TCF4: variants seen among roughly 807,000 people sequenced by gnomAD.
TCF4 encodes SL3-3 enhancer factor 2.
TCF4 carries 3 observed loss-of-function variants against 82.1 expected under a neutral mutation model. That is an observed-to-expected ratio of 0.04 (90% confidence interval 0.02 to 0.09). TCF4 has a LOEUF of 0.09. Among genes scored for constraint, TCF4 ranks in the 10% least tolerant of loss-of-function variants. The probability of loss-of-function intolerance (pLI) is 1.00; values close to 1 mark genes in which losing one functional copy is unlikely to be tolerated. For synonymous variants in TCF4, 276 were observed against 309.6 expected, an observed-to-expected ratio of 0.89 and a Z score of 1.14; for missense variants, 518 against 852.7, an observed-to-expected ratio of 0.61 and a Z score of 4.89.
chr18:55,565,260 T>TC (rs1334548031), intron 3 of TCF4, among the ~76,000 whole-genome samples: 1 of 149,008 alleles, frequency 6.7e-6, no homozygotes, highest in Non-Finnish European at 1.5e-5. Flanking sequence ...AGTATGACAA[T>TC]ACACCCAAGG....
intron 6 of TCF4, among the ~76,000 whole-genome samples, chr18:55,359,961 C>A (rs2084667854): frequency 6.6e-6 from 1 of 152,126 alleles, no homozygotes; most frequent in African/African-American, 2.4e-5. Context: ...GTACATGGGG[C>A]TATTAAATGG....
At chr18:55,243,848 T>A (rs1351818828) in intron 15 of TCF4, among the ~76,000 whole-genome samples, 1 of 152,120 alleles carries the variant, frequency 6.6e-6, no homozygotes, top group Non-Finnish European at 1.5e-5. Flanking sequence ...CTGCAATGTG[T>A]CAATGGCAAA....
chr18:55,330,859 C>T (rs1355192674), intron 8 of TCF4, among the ~76,000 whole-genome samples: 1 of 152,180 alleles, frequency 6.6e-6, no homozygotes, highest in Non-Finnish European at 1.5e-5. Flanking sequence ...GAGCAACTGC[C>T]TGAGTAAGTT....
intron 3 of TCF4, among the ~76,000 whole-genome samples, chr18:55,491,303 A>G (rs953683814): frequency 2.0e-5 from 3 of 152,148 alleles, no homozygotes; most frequent in African/African-American, 7.2e-5. Context: ...TTCACAATGA[A>G]TGGAAGACAT....
At chr18:55,452,001 G>T (rs936044954) in intron 5 of TCF4, among the ~76,000 whole-genome samples, 14 of 152,248 alleles carry the variant, frequency 9.2e-5, no homozygotes, top group Non-Finnish European at 2.1e-4. Context: ...GTGAGATTCT[G>T]TGTCTAAAAA....
chr18:55,403,893 T>C, intron 5 of TCF4: 1 of 1,434,928 alleles, frequency 7.0e-7, no homozygotes, highest in Non-Finnish European at 9.1e-7. Context: ...AGCCTAGTAA[T>C]TCCCATTGAT....
intron 6 of TCF4, among the ~76,000 whole-genome samples, chr18:55,380,776 C>T (rs749942231): frequency 6.6e-6 from 1 of 152,204 alleles, no homozygotes; most frequent in Non-Finnish European, 1.5e-5. Flanking sequence ...ACAAACAGCC[C>T]ACGCAATGCC....
chr18:55,395,931 T>C (rs1468699630), intron 6 of TCF4, among the ~76,000 whole-genome samples: 3 of 152,020 alleles, frequency 2.0e-5, no homozygotes, highest in Non-Finnish European at 2.9e-5. Context: ...ATAATCTTTT[T>C]TTCCCCCCCT....
chr18:55,497,212 T>G (rs575877545), intron 3 of TCF4, among the ~76,000 whole-genome samples: 1 of 152,364 alleles, frequency 6.6e-6, no homozygotes, highest in East Asian at 1.9e-4. Flanking sequence ...GATTTTTGTT[T>G]GTGTACCTAG....
rs1193137321 is a variant in TCF4 at position 55,426,534 on chromosome 18, C to T, written c.305-23016G>A. ...TTTTAAAATTCCTGGTACCTCATTTCATCCTTTGCTGCCCATAGGCATCTG... is the reference window on the plus strand; with the variant it reads ...TTTTAAAATTCCTGGTACCTCATTTTATCCTTTGCTGCCCATAGGCATCTG... On this transcript the variant is annotated intron_variant, in intron 5 of 19. Transcript: ENST00000354452. Among the ~76,000 whole-genome samples the T allele has an allele frequency of 2.0e-5, 3 of 152,288 alleles. No homozygotes were observed. The East Asian group carries it at 5.8e-4, about 29-fold the overall frequency.
chr18:55,599,263 A>C (rs2097694205), intron 2 of TCF4, among the ~76,000 whole-genome samples: 1 of 152,174 alleles, frequency 6.6e-6, no homozygotes, highest in Non-Finnish European at 1.5e-5. Context: ...TCCATGATCC[A>C]ACTTCCCTCT....
chr18:55,549,103 C>A (rs995422636), intron 3 of TCF4, among the ~76,000 whole-genome samples: 4 of 151,986 alleles, frequency 2.6e-5, no homozygotes, highest in Non-Finnish European at 5.9e-5. Context: ...GAGTCTAAGA[C>A]CAGCTTGAGT....
At position 55,403,861 on chromosome 18, in the gene TCF4, A is replaced by G. The variant is rs143261336; in HGVS notation, c.305-343T>C. 133 of 1,469,554 alleles carry G rather than the reference A, an allele frequency of 9.1e-5. No homozygotes were observed. In the African/African-American group the frequency reaches 1.7e-3, roughly 18 times the overall value. 91.0% of individuals were successfully genotyped at this position (1,469,554 alleles called of 1,614,324 possible). ...TTTCATTTTTATTTACACAGCAGGC[A>G]AATTATCTATGTAATGACCCTAGCC... On this transcript the variant is annotated intron_variant, in intron 5 of 19. Transcript: ENST00000354452.
intron 8 of TCF4, among the ~76,000 whole-genome samples, chr18:55,341,346 T>C (rs2079915296): frequency 6.6e-6 from 1 of 152,222 alleles, no homozygotes; most frequent in Non-Finnish European, 1.5e-5. Context: ...TCACAGGATT[T>C]TTATAGGAAT....
chr18:55,378,498 G>C (rs2091288119), intron 6 of TCF4, among the ~76,000 whole-genome samples: 1 of 152,114 alleles, frequency 6.6e-6, no homozygotes, highest in South Asian at 2.1e-4. Context: ...CTATGAAGAA[G>C]GTGCTGATAT....
At chr18:55,372,191 C>A (rs2089435005) in intron 6 of TCF4, among the ~76,000 whole-genome samples, 1 of 151,860 alleles carries the variant, frequency 6.6e-6, no homozygotes, top group South Asian at 2.1e-4. Flanking sequence ...GATATACATG[C>A]CAAATAGTGC....
chr18:55,448,927 A>G (rs2095573528), intron 5 of TCF4, among the ~76,000 whole-genome samples: 1 of 152,242 alleles, frequency 6.6e-6, no homozygotes, highest in South Asian at 2.1e-4. Context: ...TGTCTTGAAA[A>G]GACTGGGAGA....
intron 8 of TCF4, among the ~76,000 whole-genome samples, chr18:55,327,425 C>T (rs932460203): frequency 3.9e-4 from 59 of 152,080 alleles, no homozygotes; most frequent in African/African-American, 1.4e-3. Context: ...AATATGGACA[C>T]ATTTAGTTTG....
intron 3 of TCF4, among the ~76,000 whole-genome samples, chr18:55,538,706 C>T (rs1025899640): frequency 2.0e-5 from 3 of 152,046 alleles, no homozygotes; most frequent in South Asian, 2.1e-4. Flanking sequence ...CAATGTTAGA[C>T]GTATCTTAGC....
Sources: gnomAD v4.1 joint callset for allele counts (sites outside exome capture counted in the v4.1 genomes callset) on GRCh38, gnomAD v4.1.1 for gene constraint, MANE v1.5 for transcripts, NCBI Gene and HGNC (gene_info 2026-07-23, HGNC 2026-07-21) for gene names.